Variants in PKD1L3 observed in about 807,000 individuals in gnomAD.
PKD1L3 encodes polycystin 1 like 3, transient receptor potential channel interacting, also known as polycystin-1-like protein 3.
PKD1L3 carries 239 observed loss-of-function variants against 184.1 expected under a neutral mutation model. The ratio of observed to expected loss-of-function variants is 1.30; its 90% confidence interval spans 1.17 to 1.45. The LOEUF is 1.45. Ranked by LOEUF, PKD1L3 falls within the 40% of genes most tolerant of loss-of-function variation. PKD1L3 has a pLI of 0.00. For missense variants in PKD1L3, 2,660 were observed against 2,067.2 expected (o/e 1.29, Z -5.56); for synonymous variants, 996 against 778.8 (o/e 1.28, Z -4.64).
At chr16:71,946,475 T>C (rs2038607464) in intron 22 of PKD1L3, among the ~76,000 whole-genome samples, 1 of 152,050 alleles carries the variant, frequency 6.6e-6, no homozygotes, top group Admixed American at 6.6e-5. Flanking sequence ...TGTGCCAATT[T>C]TTCTGCAACC....
At chr16:71,930,772 CTG>C (rs2037924055) in intron 28 of PKD1L3, 1 of 152,030 alleles carries the variant, frequency 6.6e-6, no homozygotes, top group Non-Finnish European at 1.5e-5. Context: ...ATAACAAAAA[CTG>C]TTGTTTAAAA....
At chr16:71,979,159 A>G (rs981002724) in intron 9 of PKD1L3, among the ~76,000 whole-genome samples, 5 of 152,158 alleles carry the variant, frequency 3.3e-5, no homozygotes, top group African/African-American at 1.2e-4. Flanking sequence ...TAAATAGTGC[A>G]GAGGCTGGGC....
At chr16:71,935,331 T>C in intron 26 of PKD1L3, 27 bp downstream of exon 26, 1 of 1,544,566 alleles carries the variant, frequency 6.5e-7, no homozygotes, top group Non-Finnish European at 8.7e-7. Context: ...GGTAGGAATA[T>C]GCTGTGCCCC....
chr16:71,998,921 T>A (rs1207364153), intron 1 of PKD1L3, among the ~76,000 whole-genome samples: 1 of 152,254 alleles, frequency 6.6e-6, no homozygotes, highest in African/African-American at 2.4e-5. Context: ...GAGAATGATA[T>A]AATAATGGCT....
At chr16:71,960,671 C>G (rs2039243030) in intron 16 of PKD1L3, among the ~76,000 whole-genome samples, 1 of 152,088 alleles carries the variant, frequency 6.6e-6, no homozygotes, top group Admixed American at 6.6e-5. Context: ...ACAGTCTTTC[C>G]TCTATTGGAA....
intron 25 of PKD1L3, among the ~76,000 whole-genome samples, chr16:71,937,004 C>T (rs921793970): frequency 2.0e-5 from 3 of 152,172 alleles, no homozygotes; most frequent in Non-Finnish European, 4.4e-5. Context: ...CATTGTAGAG[C>T]TTCCCAAATA....
intron 16 of PKD1L3, among the ~76,000 whole-genome samples, chr16:71,961,508 G>C (rs910044827): frequency 1.3e-5 from 2 of 152,200 alleles, no homozygotes; most frequent in Middle Eastern, 3.4e-3. Flanking sequence ...ATTCTGGAGG[G>C]AGACAGCCAC....
intron 16 of PKD1L3, among the ~76,000 whole-genome samples, chr16:71,955,491 T>C (rs1430635254): frequency 6.6e-6 from 1 of 152,038 alleles, no homozygotes; most frequent in Non-Finnish European, 1.5e-5. Flanking sequence ...GAATATCATT[T>C]AGTTTTTTGT....
At chr16:71,994,923 G>A (rs766926529) in intron 2 of PKD1L3, among the ~76,000 whole-genome samples, 10 of 152,128 alleles carry the variant, frequency 6.6e-5, no homozygotes, top group Non-Finnish European at 1.5e-4. Context: ...AGGAGGTGGA[G>A]GTTGCAGTGA....
chr16:71,979,876 A>G lies in PKD1L3; in HGVS notation c.1308T>C (p.Thr436=). The change falls in exon 9 of 30, where the codon ACT becomes ACC. Residue 436 remains threonine (T), a synonymous_variant. Coordinates refer to ENST00000620267, the MANE Select transcript of PKD1L3 (RefSeq NM_181536.2). ...GCCTCACAGGGGCTGGGTGACCCAGAGTGTAAGAGCTCAGCGGTAAAGTTG... is the reference window on the plus strand; with the variant it reads ...GCCTCACAGGGGCTGGGTGACCCAGGGTGTAAGAGCTCAGCGGTAAAGTTG... ...NISTLPLSSY[T]LGHPAPVRLG... The G allele has an allele frequency of 6.5e-7, 1 of 1,543,136 alleles. No individual in the cohort carries two copies. Among genetic ancestry groups the G allele is most frequent in the Non-Finnish European group, 8.7e-7 (1 of 1,145,270 alleles).
At chr16:71,937,452 G>C (rs2038219683) in intron 24 of PKD1L3, 33 bp from the exon 25 acceptor site, 1 of 1,541,332 alleles carries the variant, frequency 6.5e-7, no homozygotes. Flanking sequence ...GGAGTCAAGA[G>C]TCTAAAACTT....
rs1473251137 is a variant in PKD1L3 at position 71,937,339 on chromosome 16, AGAT to A, written c.4402_4404del (p.Ile1468del). ...ACCAGTAGATAATAGATGACTTGTGAGATGATAGACCAGACACAGCCCTTCTTT... is the reference window on the plus strand; with the variant it reads ...ACCAGTAGATAATAGATGACTTGTGAGATAGACCAGACACAGCCCTTCTTT... On this transcript the variant is annotated inframe_deletion, in exon 25 of 30. Coordinates refer to ENST00000620267, the MANE Select transcript of PKD1L3 (RefSeq NM_181536.2). 1.9e-6 allele frequency: 3 copies of A among 1,551,548 alleles called. No homozygotes were observed. Among genetic ancestry groups the A allele is most frequent in the Non-Finnish European group, 1.7e-6 (2 of 1,146,962 alleles).
intron 25 of PKD1L3, 49 bp from the exon 26 acceptor site, chr16:71,935,567 G>C (rs1485849447): frequency 2.6e-6 from 4 of 1,514,520 alleles, no homozygotes; most frequent in East Asian, 4.9e-5. Context: ...AGATTAGCTA[G>C]GTCTCTCCCT....
At chr16:71,971,462 G>A (rs1473722967) in intron 12 of PKD1L3, among the ~76,000 whole-genome samples, 1 of 152,120 alleles carries the variant, frequency 6.6e-6, no homozygotes, top group African/African-American at 2.4e-5. Flanking sequence ...GCCCAATCTA[G>A]TCTGCCTTTG....
intron 12 of PKD1L3, among the ~76,000 whole-genome samples, chr16:71,972,744 T>C (rs182008101): frequency 6.6e-6 from 1 of 152,310 alleles, no homozygotes; most frequent in East Asian, 1.9e-4. Flanking sequence ...TTCTCAGCTC[T>C]TTTTAGAACA....
chr16:71,966,724 G>A (rs374659768), intron 15 of PKD1L3, among the ~76,000 whole-genome samples: 3 of 152,042 alleles, frequency 2.0e-5, no homozygotes, highest in East Asian at 1.9e-4. Context: ...GAGCTGCTGC[G>A]CCCTGCCCTT....
intron 19 of PKD1L3, among the ~76,000 whole-genome samples, chr16:71,951,215 T>C (rs1485686887): frequency 3.9e-5 from 6 of 152,132 alleles, no homozygotes; most frequent in African/African-American, 1.4e-4. Context: ...AATTTTTGTA[T>C]TTTTAGTAGA....
intron 22 of PKD1L3, among the ~76,000 whole-genome samples, chr16:71,945,760 G>A (rs1314809325): frequency 2.0e-5 from 3 of 152,062 alleles, no homozygotes; most frequent in Admixed American, 1.3e-4. Flanking sequence ...CATGGGATCA[G>A]TGAAGAGTGA....
chr16:71,942,692 G>A lies in PKD1L3; in HGVS notation c.4192C>T (p.Leu1398=). 2 of 1,551,702 alleles carry A rather than the reference G, an allele frequency of 1.3e-6. No homozygotes were observed. Among genetic ancestry groups the A allele is most frequent in the Non-Finnish European group, 1.7e-6 (2 of 1,147,006 alleles). ...CTCCTTAGATGAAGTCCAGGGAATA[G>A]GCTCTTGGGACGCCCACAGGTATGG... ...NGHTCGRPKS[L]FPGLHLRRFS... is the part of the protein sequence containing the mutation. The change falls in exon 24 of 30, where the codon CTA becomes TTA. Residue 1398 remains leucine, a synonymous_variant. Coordinates refer to ENST00000620267, the MANE Select transcript of PKD1L3 (RefSeq NM_181536.2).
Sources: allele counts gnomAD v4.1 joint callset (sites outside exome capture counted in the v4.1 genomes callset), GRCh38; gene constraint gnomAD v4.1.1; transcripts MANE v1.5; gene names NCBI Gene and HGNC (gene_info 2026-07-23, HGNC 2026-07-21).